The following MAP4K3 variants were observed in gnomAD, a reference collection of about 807,000 sequenced individuals.
MAP4K3 encodes mitogen-activated protein kinase kinase kinase kinase 3.
Under a neutral mutation model 143.5 loss-of-function variants are expected in MAP4K3, and 94 were observed. The ratio of observed to expected loss-of-function variants is 0.65; its 90% CI spans 0.55 to 0.78. The LOEUF is 0.78. Ranked by LOEUF, MAP4K3 falls within the 30% of genes least tolerant of loss-of-function variation. The pLI is 0.00. For missense variants in MAP4K3, 1,077 were observed against 1,068.1 expected (o/e 1.01, Z -0.12); for synonymous variants, 416 against 347.2 (o/e 1.20, Z -2.20).
intron 12 of MAP4K3, among the ~76,000 whole-genome samples, chr2:39,320,281 C>G (rs1013779496): frequency 6.6e-6 from 1 of 152,130 alleles, no homozygotes; most frequent in Non-Finnish European, 1.5e-5. Context: ...AAAAAATCTG[C>G]GTCAACTCCT....
chr2:39,360,079 T>A (rs529375559), intron 2 of MAP4K3, among the ~76,000 whole-genome samples: 1 of 152,236 alleles, frequency 6.6e-6, no homozygotes, highest in East Asian at 1.9e-4. Flanking sequence ...TATCGCATTG[T>A]TGGGCTGCAA....
At chr2:39,367,948 T>G (rs1002732796) in intron 2 of MAP4K3, among the ~76,000 whole-genome samples, 1 of 152,192 alleles carries the variant, frequency 6.6e-6, no homozygotes, top group African/African-American at 2.4e-5. Context: ...GAGAAAACAT[T>G]CTCTAGTGCA....
intron 1 of MAP4K3, among the ~76,000 whole-genome samples, chr2:39,410,489 T>C (rs1572500288): frequency 6.6e-6 from 1 of 152,170 alleles, no homozygotes. Context: ...TACATTATAA[T>C]AACAAACTCT....
At chr2:39,315,455 T>A in intron 12 of MAP4K3, 67 bp from the exon 13 acceptor site, 2 of 1,053,616 alleles carry the variant, frequency 1.9e-6, no homozygotes, top group South Asian at 1.5e-5. Context: ...TCCACAAAAT[T>A]ACCCAAATAG....
chr2:39,324,096 A>C (rs1438345871), intron 12 of MAP4K3, among the ~76,000 whole-genome samples: 1 of 152,212 alleles, frequency 6.6e-6, no homozygotes, highest in Admixed American at 6.5e-5. Flanking sequence ...TAAAAATAAA[A>C]TTAAGCAAAT....
At chr2:39,323,762 A>G (rs1356920051) in intron 12 of MAP4K3, 2 of 152,120 alleles carry the variant, frequency 1.3e-5, no homozygotes, top group Non-Finnish European at 2.9e-5. Context: ...AGACTACTAG[A>G]TAAGTAAAAA....
At chr2:39,370,816 A>G (rs1222878178) in intron 2 of MAP4K3, among the ~76,000 whole-genome samples, 1 of 152,310 alleles carries the variant, frequency 6.6e-6, no homozygotes, top group East Asian at 1.9e-4. Context: ...TCATATTATA[A>G]TAACTAGTGC....
At chr2:39,332,794 T>C (rs1219964034) in intron 7 of MAP4K3, among the ~76,000 whole-genome samples, 3 of 152,100 alleles carry the variant, frequency 2.0e-5, no homozygotes, top group African/African-American at 7.2e-5. Flanking sequence ...AATTTCTAGA[T>C]ACATATTCTT....
At chr2:39,428,891 A>T (rs1312383681) in intron 1 of MAP4K3, among the ~76,000 whole-genome samples, 1 of 151,230 alleles carries the variant, frequency 6.6e-6, no homozygotes, top group East Asian at 2.0e-4. Context: ...AACATGGTGA[A>T]ATCCCGTCTC....
At chr2:39,253,488 C>T (rs187327621) in intron 32 of MAP4K3, among the ~76,000 whole-genome samples, 86 of 152,196 alleles carry the variant, frequency 5.7e-4, no homozygotes, top group Non-Finnish European at 9.4e-4. Context: ...GCACATTACA[C>T]GCTTTGTTTC....
intron 6 of MAP4K3, among the ~76,000 whole-genome samples, chr2:39,336,179 G>C (rs912493216): frequency 3.3e-5 from 5 of 152,036 alleles, no homozygotes; most frequent in Non-Finnish European, 7.4e-5. Context: ...ATAAATAAAA[G>C]ACTATGAGAA....
chr2:39,342,196 C>T (rs1424784034), intron 4 of MAP4K3, among the ~76,000 whole-genome samples: 10 of 151,558 alleles, frequency 6.6e-5, no homozygotes, highest in African/African-American at 1.7e-4. Context: ...TGTAGTCCAA[C>T]GGTGCAATCT....
At chr2:39,293,209 A>T in intron 17 of MAP4K3, 21 bp downstream of exon 17, 1 of 1,510,362 alleles carries the variant, frequency 6.6e-7, no homozygotes, top group Non-Finnish European at 9.0e-7. Context: ...AAAGTACTTT[A>T]AGATTAAAAA....
At chr2:39,259,659 A>G (rs1680486948) in intron 29 of MAP4K3, among the ~76,000 whole-genome samples, 1 of 152,246 alleles carries the variant, frequency 6.6e-6, no homozygotes, top group Non-Finnish European at 1.5e-5. Flanking sequence ...AACTTAGTCA[A>G]AACAATTTGA....
At chr2:39,413,114 T>C (rs1379273032) in intron 1 of MAP4K3, among the ~76,000 whole-genome samples, 2 of 152,270 alleles carry the variant, frequency 1.3e-5, no homozygotes, top group African/African-American at 4.8e-5. Context: ...TACATCTCGA[T>C]GTTCCATTTT....
chr2:39,380,915 T>G (rs1666340490), intron 1 of MAP4K3, among the ~76,000 whole-genome samples: 1 of 152,166 alleles, frequency 6.6e-6, no homozygotes, highest in South Asian at 2.1e-4. Flanking sequence ...ACTAACTAAT[T>G]TTAGAACACT....
intron 3 of MAP4K3, among the ~76,000 whole-genome samples, chr2:39,349,818 A>G (rs1665399558): frequency 6.6e-6 from 1 of 152,198 alleles, no homozygotes; most frequent in African/African-American, 2.4e-5. Flanking sequence ...TTAATTTACT[A>G]TTTACCCAGA....
intron 18 of MAP4K3, 94 bp from the exon 19 acceptor site, chr2:39,290,428 T>C: frequency 1.3e-6 from 1 of 757,786 alleles, no homozygotes; most frequent in Non-Finnish European, 2.1e-6. Context: ...ATAAAAAAGC[T>C]GCAAAGACAA....
chr2:39,377,583 C>A (rs1471242948), intron 2 of MAP4K3, among the ~76,000 whole-genome samples: 2 of 152,064 alleles, frequency 1.3e-5, no homozygotes, highest in Non-Finnish European at 2.9e-5. Flanking sequence ...TAGACAACTG[C>A]TGGGATAGCA....
Sources: allele counts gnomAD v4.1 joint callset (sites outside exome capture counted in the v4.1 genomes callset), GRCh38; gene constraint gnomAD v4.1.1; transcripts MANE v1.5; gene names NCBI Gene and HGNC (gene_info 2026-07-23, HGNC 2026-07-21).